MRE11: variants seen among roughly 807,000 people sequenced by gnomAD.
The protein encoded by MRE11 is double-strand break repair protein MRE11.
Under a neutral mutation model 91.7 loss-of-function variants are expected in MRE11, and 62 were observed. That is an observed-to-expected ratio of 0.68 (90% confidence interval 0.55 to 0.84). MRE11 has a LOEUF of 0.84. MRE11 is among the 40% of genes least tolerant of loss of function. MRE11 has a pLI of 0.00. For missense variants in MRE11, 796 were observed against 852.9 expected, an observed-to-expected ratio of 0.93 and a Z score of 0.83; for synonymous variants, 273 against 271.4, an observed-to-expected ratio of 1.01 and a Z score of -0.06.
At chr11:94,447,480 C>G in intron 14 of MRE11, 42 bp from the exon 15 acceptor site, 1 of 1,563,882 alleles carries the variant, frequency 6.4e-7, no homozygotes, top group South Asian at 1.1e-5. Context: ...AATGAGATAA[C>G]GTACCATCCT....
chr11:94,465,456 C>G (rs1482423140), intron 10 of MRE11, among the ~76,000 whole-genome samples: 1 of 146,776 alleles, frequency 6.8e-6, no homozygotes, highest in African/African-American at 2.6e-5. Context: ...AATGCAGAGG[C>G]ACAATCTCAG....
Position 94,419,336 on chromosome 11 carries a change from C to A in MRE11, c.*789G>T, listed in dbSNP as rs1380003675. The A allele has an allele frequency of 1.3e-5, 3 of 232,840 alleles. No homozygotes were observed. The East Asian group carries it at 1.8e-4, about 14-fold the overall frequency. 14.4% of individuals were successfully genotyped at this position (232,840 alleles called of 1,614,324 possible). A position where few individuals can be genotyped will look rare whatever the true frequency, so the allele number is the denominator to read the frequency against. On this transcript the variant is annotated 3_prime_UTR_variant, in exon 20 of 20. Transcript: ENST00000323929. The stretch of plus-strand genomic sequence containing the variant: ...CTGACCACTCTACCTAAAACAAATT[C>A]TTCAATATTTTCAAGATGTAGTTTA...
At chr11:94,421,847 G>C (rs760446575) in intron 19 of MRE11, among the ~76,000 whole-genome samples, 2 of 152,194 alleles carry the variant, frequency 1.3e-5, no homozygotes, top group Non-Finnish European at 2.9e-5. Context: ...GAAGTACCTA[G>C]AGTAGTTGAA....
Position 94,416,728 on chromosome 11 carries a change from G to C in MRE11, c.*3397C>G, listed in dbSNP as rs1383268797. ...AAAAAATTAGCCAGGCGTGGTGGTGGGCGCCTGTAGTCCCAGCTACTTGGG... is the reference window on the plus strand; with the variant it reads ...AAAAAATTAGCCAGGCGTGGTGGTGCGCGCCTGTAGTCCCAGCTACTTGGG... On this transcript the variant is annotated 3_prime_UTR_variant, in exon 20 of 20. Coordinates refer to ENST00000323929, the MANE Select transcript of MRE11 (RefSeq NM_005591.4). 1 of 150,664 alleles carries C rather than the reference G, an allele frequency of 6.6e-6. No homozygotes were observed. Among genetic ancestry groups the C allele is most frequent in the Admixed American group, 6.6e-5 (1 of 15,152 alleles). The allele number at this position is 150,664 out of a possible 1,614,324, so 9.3% of individuals were successfully genotyped here. A position where few individuals can be genotyped will look rare whatever the true frequency, so the allele number is the denominator to read the frequency against.
chr11:94,471,570 T>G lies in MRE11; in HGVS notation c.845+4A>C, dbSNP rs1182959968. The G allele has an allele frequency of 1.2e-6, 2 of 1,611,910 alleles. No individual in the cohort carries two copies. The highest frequency in any genetic ancestry group is 2.7e-5 in the African/African-American group (2 of 74,836). On this transcript the variant is annotated splice_donor_region_variant and intron_variant, in intron 8 of 19. Coordinates refer to ENST00000323929, the MANE Select transcript of MRE11 (RefSeq NM_005591.4). ...AAAATTGGCTCAAAATATATAACACTCACTTCTTTACAGCTTCTCCTGGGG... is the reference window on the plus strand; with the variant it reads ...AAAATTGGCTCAAAATATATAACACGCACTTCTTTACAGCTTCTCCTGGGG...
At chr11:94,496,709 G>C (rs769488186), upstream of MRE11, 2 of 1,579,804 alleles carry the variant, frequency 1.3e-6, no homozygotes, top group Admixed American at 3.8e-5. Context: ...AAAAGAAAAA[G>C]GAAATGATGA....
chr11:94,458,003 A>G (rs952481906), intron 13 of MRE11, among the ~76,000 whole-genome samples: 13 of 150,526 alleles, frequency 8.6e-5, no homozygotes, highest in Non-Finnish European at 1.8e-4. Flanking sequence ...TGAGAAATCT[A>G]TTTATGCTAT....
intron 14 of MRE11, among the ~76,000 whole-genome samples, chr11:94,453,133 T>G (rs1419319294): frequency 6.6e-6 from 1 of 152,196 alleles, no homozygotes; most frequent in African/African-American, 2.4e-5. Context: ...CAGAGTTTCA[T>G]CCATATTGTA....
intron 14 of MRE11, among the ~76,000 whole-genome samples, chr11:94,449,065 T>C (rs1225470051): frequency 6.6e-6 from 1 of 152,202 alleles, no homozygotes. Flanking sequence ...ACAGTCTCTC[T>C]TGCTTGGAAT....
chr11:94,472,197 T>A (rs970692735), intron 7 of MRE11, among the ~76,000 whole-genome samples: 1 of 152,070 alleles, frequency 6.6e-6, no homozygotes, highest in African/African-American at 2.4e-5. Flanking sequence ...ATAAATATAA[T>A]GGGAGTAAAA....
intron 7 of MRE11, among the ~76,000 whole-genome samples, chr11:94,472,651 A>G (rs1346108363): frequency 6.6e-6 from 1 of 152,186 alleles, no homozygotes; most frequent in African/African-American, 2.4e-5. Context: ...TAAATTCCAC[A>G]CATAAATACT....
chr11:94,480,756 A>G (rs1701810556), intron 4 of MRE11, among the ~76,000 whole-genome samples: 1 of 152,194 alleles, frequency 6.6e-6, no homozygotes, highest in Non-Finnish European at 1.5e-5. Flanking sequence ...CAGCTCTTAA[A>G]TCTATGCTAG....
At chr11:94,420,447 G>T (rs1945140670) in intron 19 of MRE11, among the ~76,000 whole-genome samples, 1 of 152,082 alleles carries the variant, frequency 6.6e-6, no homozygotes. Context: ...AAAGATAAAT[G>T]AAGTATAGGT....
upstream of MRE11, chr11:94,498,853 C>A (rs181703771): frequency 1.8e-5 from 5 of 285,488 alleles, no homozygotes; most frequent in Admixed American, 9.8e-5. Flanking sequence ...TTTTAAATAT[C>A]CCACATCCTG....
upstream of MRE11, chr11:94,496,497 CAA>C (rs891340887): frequency 1.8e-5 from 9 of 507,618 alleles, no homozygotes; most frequent in African/African-American, 7.7e-5. Context: ...ATGAGAAAAA[CAA>C]GAGTTTAGAC....
At position 94,420,006 on chromosome 11, in the gene MRE11, T is replaced by A. The variant is rs1431312509; in HGVS notation, c.*119A>T. On this transcript the variant is annotated 3_prime_UTR_variant, in exon 20 of 20. Coordinates refer to ENST00000323929, the MANE Select transcript of MRE11 (RefSeq NM_005591.4). Reference sequence around the variant, plus strand: ...TATTGTATGTCTGTGAACTAGAAATTTCTTACTTATGGAGTTATGCTCAGG... The same window carrying A: ...TATTGTATGTCTGTGAACTAGAAATATCTTACTTATGGAGTTATGCTCAGG... The A allele has an allele frequency of 1.3e-6, 1 of 775,448 alleles. No homozygotes were observed. Among genetic ancestry groups the A allele is most frequent in the Non-Finnish European group, 2.1e-6 (1 of 487,732 alleles). The allele number at this position is 775,448 out of a possible 1,614,324, so 48.0% of individuals were successfully genotyped here. A position where few individuals can be genotyped will look rare whatever the true frequency, so the allele number is the denominator to read the frequency against.
intron 19 of MRE11, among the ~76,000 whole-genome samples, chr11:94,426,406 C>A (rs1034380115): frequency 1.3e-5 from 2 of 148,322 alleles, no homozygotes; most frequent in African/African-American, 5.1e-5. Context: ...TAAATGTCTT[C>A]ATTAAGAGAA....
chr11:94,484,209 A>G (rs931185947), intron 4 of MRE11, among the ~76,000 whole-genome samples: 6 of 151,090 alleles, frequency 4.0e-5, no homozygotes, highest in Admixed American at 6.6e-5. Context: ...AACCCAAAGG[A>G]AAAAAAAATG....
chr11:94,472,034 G>C (rs1946730650), intron 7 of MRE11, among the ~76,000 whole-genome samples: 1 of 151,958 alleles, frequency 6.6e-6, no homozygotes. Context: ...GTTTTACATA[G>C]GAAGGATTTC....
Sources: gnomAD v4.1 joint callset for allele counts (sites outside exome capture counted in the v4.1 genomes callset) on GRCh38, gnomAD v4.1.1 for gene constraint, MANE v1.5 for transcripts, NCBI Gene and HGNC (gene_info 2026-07-23, HGNC 2026-07-21) for gene names.